The following TRIO variants were observed in gnomAD, a reference collection of about 807,000 sequenced individuals.
TRIO encodes trio Rho guanine nucleotide exchange factor.
In TRIO, 58 loss-of-function variants were observed where a neutral mutation model predicts 351.9. That is an observed-to-expected ratio of 0.16 (90% confidence interval 0.13 to 0.21). TRIO has a LOEUF of 0.21. TRIO is among the 10% of genes least tolerant of loss of function. TRIO has a pLI of 1.00. For missense variants in TRIO, 3,201 were observed against 4,027.8 expected (o/e 0.79, Z 5.56); for synonymous variants, 1,758 against 1,595.7 (o/e 1.10, Z -2.42).
intron 1 of TRIO, among the ~76,000 whole-genome samples, chr5:14,177,981 T>G (rs1039435614): frequency 6.6e-6 from 1 of 152,246 alleles, no homozygotes; most frequent in African/African-American, 2.4e-5. Flanking sequence ...TATTTTATAT[T>G]TATTCACCAT....
intron 1 of TRIO, among the ~76,000 whole-genome samples, chr5:14,222,757 C>G (rs891559251): frequency 6.6e-6 from 1 of 152,194 alleles, no homozygotes; most frequent in African/African-American, 2.4e-5. Flanking sequence ...CACCTCCTCT[C>G]CCTCCCACTT....
intron 11 of TRIO, among the ~76,000 whole-genome samples, chr5:14,348,247 G>T (rs1742616823): frequency 6.6e-6 from 1 of 152,224 alleles, no homozygotes; most frequent in East Asian, 1.9e-4. Flanking sequence ...ATTCCAGAAT[G>T]ATCATCTGGT....
chr5:14,208,168 A>G (rs542028300), intron 1 of TRIO, among the ~76,000 whole-genome samples: 2 of 134,376 alleles, frequency 1.5e-5, no homozygotes, highest in South Asian at 4.8e-4. Flanking sequence ...TCTCCTTCTA[A>G]ATAAATGAAA....
At chr5:14,392,738 A>T (rs1229252685) in intron 27 of TRIO, among the ~76,000 whole-genome samples, 1 of 152,222 alleles carries the variant, frequency 6.6e-6, no homozygotes, top group Non-Finnish European at 1.5e-5. Context: ...ATGGAATACT[A>T]TGCAATCATA....
At chr5:14,407,362 T>C (rs926538242) in intron 33 of TRIO, among the ~76,000 whole-genome samples, 13 of 152,218 alleles carry the variant, frequency 8.5e-5, no homozygotes, top group African/African-American at 3.1e-4. Context: ...GCAGGTCTTA[T>C]ATGGCTATCC....
In TRIO at chr5:14,235,948, A is replaced by T. The variant is rs577387621; in HGVS notation, c.158-34877A>T. On this transcript the variant is annotated intron_variant, in intron 1 of 56. Transcript: ENST00000344204. ...CCAAAGTGCCTGGATTACAGGTGTG[A>T]GCCACCATGCCCCAGCCCTATAAAA... is the stretch of plus-strand genomic sequence containing the variant. Among the ~76,000 whole-genome samples the T allele has an allele frequency of 6.6e-5, 10 of 152,226 alleles. No individual in the cohort carries two copies. In the South Asian group the frequency reaches 2.1e-3, roughly 32 times the overall value.
intron 21 of TRIO, among the ~76,000 whole-genome samples, chr5:14,382,453 C>T (rs951011223): frequency 6.6e-6 from 1 of 152,176 alleles, no homozygotes; most frequent in African/African-American, 2.4e-5. Flanking sequence ...TGGAGGCTCA[C>T]ACAGGCAAGC....
chr5:14,151,783 G>T (rs1398420186), intron 1 of TRIO, among the ~76,000 whole-genome samples: 3 of 152,190 alleles, frequency 2.0e-5, no homozygotes, highest in African/African-American at 7.2e-5. Flanking sequence ...ATTGAAGGAT[G>T]CCACTGATAC....
chr5:14,249,963 A>G (rs1794644287), intron 1 of TRIO, among the ~76,000 whole-genome samples: 1 of 152,206 alleles, frequency 6.6e-6, no homozygotes, highest in African/African-American at 2.4e-5. Context: ...CACTTTAGCA[A>G]TTATCCTGTT....
Position 14,487,459 on chromosome 5 carries a change from T to TA in TRIO, c.6836-4dup, listed in dbSNP as rs758053482. ...CCCAGTCTCTCCCGCTGTCTTGTCT[T>TA]ACAGCCTTGACATCGCCAATCGAGT... On this transcript the variant is annotated splice_region_variant and splice_polypyrimidine_tract_variant and intron_variant, in intron 47 of 56. Coordinates refer to ENST00000344204, the MANE Select transcript of TRIO (RefSeq NM_007118.4). 1.5e-4 allele frequency: 160 copies of TA among 1,090,564 alleles called. No individual in the cohort carries two copies. Among genetic ancestry groups the TA allele is most frequent in the Non-Finnish European group, 5.2e-5 (46 of 880,362 alleles). The allele number at this position is 1,090,564 out of a possible 1,614,324, so 67.6% of individuals were successfully genotyped here.
At position 14,461,281 on chromosome 5, in the gene TRIO, G is replaced by T; in HGVS notation, c.5466G>T (p.Ala1822=). 6.3e-7 allele frequency: 1 copy of T among 1,594,886 alleles called. No homozygotes were observed. The change falls in exon 35 of 57, where the codon GCG becomes GCT. Residue 1822 remains alanine, a synonymous_variant. Transcript: ENST00000344204. ...CGCAGAAGGACTCCGACGACAGTGC[G>T]GCCACCCCGCAGGACGAGACGGTCG... is the stretch of plus-strand genomic sequence containing the variant. ...AGSQKDSDDS[A]ATPQDETVEE... is the part of the protein sequence containing the mutation.
At chr5:14,167,682 A>G (rs1788852508) in intron 1 of TRIO, among the ~76,000 whole-genome samples, 1 of 152,144 alleles carries the variant, frequency 6.6e-6, no homozygotes, top group African/African-American at 2.4e-5. Context: ...TGCAGGCCAC[A>G]TGTACTAAGA....
chr5:14,195,797 T>A (rs1042342856), intron 1 of TRIO, among the ~76,000 whole-genome samples: 2 of 152,220 alleles, frequency 1.3e-5, no homozygotes, highest in African/African-American at 4.8e-5. Flanking sequence ...TTGCTCCGAT[T>A]GTTCCAGGCT....
chr5:14,465,337 C>G (rs2126521446), intron 36 of TRIO, among the ~76,000 whole-genome samples: 1 of 152,292 alleles, frequency 6.6e-6, no homozygotes, highest in African/African-American at 2.4e-5. Flanking sequence ...CCACATGTAT[C>G]TCAGACAGGT....
intron 1 of TRIO, among the ~76,000 whole-genome samples, chr5:14,240,035 C>A (rs1310521674): frequency 6.6e-6 from 1 of 152,218 alleles, no homozygotes; most frequent in East Asian, 1.9e-4. Flanking sequence ...GTCTCTTCAG[C>A]GGTTCTTTCC....
At position 14,278,840 on chromosome 5, in the gene TRIO, C is replaced by T. The variant is rs75052200; in HGVS notation, c.233-1482C>T. On this transcript the variant is annotated intron_variant, in intron 2 of 56. Transcript: ENST00000344204. ...TAGCCCCCTCTAAGGACCAGGAACC[C>T]GTTATTTAGTTATCTCTGTGACATT... 3.8e-3 allele frequency among the ~76,000 whole-genome samples: 574 copies of T among 152,212 alleles called. 2 individuals are homozygous for T. The highest frequency in any genetic ancestry group is 5.5e-3 in the Non-Finnish European group (375 of 68,012).
chr5:14,206,857 G>A (rs1290727272), intron 1 of TRIO, among the ~76,000 whole-genome samples: 3 of 152,090 alleles, frequency 2.0e-5, no homozygotes, highest in Admixed American at 2.0e-4. Context: ...TTATTTGTTT[G>A]TGTACCTGTA....
chr5:14,255,111 A>G (rs1005382209), intron 1 of TRIO, among the ~76,000 whole-genome samples: 7 of 152,258 alleles, frequency 4.6e-5, no homozygotes, highest in African/African-American at 1.7e-4. Context: ...TCTTCAACTC[A>G]TTTGGTAAAA....
chr5:14,284,495 G>A (rs973137061), intron 3 of TRIO, among the ~76,000 whole-genome samples: 4 of 152,198 alleles, frequency 2.6e-5, no homozygotes, highest in South Asian at 2.1e-4. Flanking sequence ...TTAGGAAGCC[G>A]CTGGGTGGGA....
Sources: gnomAD v4.1 joint callset for allele counts (sites outside exome capture counted in the v4.1 genomes callset) on GRCh38, gnomAD v4.1.1 for gene constraint, MANE v1.5 for transcripts, NCBI Gene and HGNC (gene_info 2026-07-23, HGNC 2026-07-21) for gene names.